PDE1A: variants seen among roughly 807,000 people sequenced by gnomAD.
The protein encoded by PDE1A is phosphodiesterase 1A.
PDE1A carries 35 observed loss-of-function variants against 61.7 expected under a neutral mutation model. That is an observed-to-expected ratio of 0.57 (90% CI 0.43 to 0.75). PDE1A has a LOEUF of 0.75. Ranked by LOEUF, PDE1A falls within the 30% of genes least tolerant of loss-of-function variation. The pLI is 0.00. For synonymous variants in PDE1A, 232 were observed against 213.2 expected, an observed-to-expected ratio of 1.09 and a Z score of -0.77; for missense variants, 597 against 630.6, an observed-to-expected ratio of 0.95 and a Z score of 0.57.
chr2:182,590,836 T>C, the PDE1A span, among the ~76,000 whole-genome samples: 38 of 152,316 alleles, frequency 2.5e-4, no homozygotes, highest in African/African-American at 8.2e-4. Flanking sequence ...TTGCACCCAC[T>C]AATTTGCACT....
intron 2 of PDE1A, among the ~76,000 whole-genome samples, chr2:182,456,467 A>G (rs1685929585): frequency 6.6e-6 from 1 of 152,116 alleles, no homozygotes; most frequent in African/African-American, 2.4e-5. Flanking sequence ...TTGAATCAAT[A>G]TAATACCTTA....
chr2:182,280,284 T>C (rs1693715188), intron 1 of PDE1A, among the ~76,000 whole-genome samples: 1 of 151,938 alleles, frequency 6.6e-6, no homozygotes, highest in Non-Finnish European at 1.5e-5. Context: ...AAACCTATCT[T>C]GGACCTGTAT....
chr2:182,604,591 A>G, the PDE1A span, among the ~76,000 whole-genome samples: 1 of 152,232 alleles, frequency 6.6e-6, no homozygotes, highest in Admixed American at 6.5e-5. Flanking sequence ...AAGAAGTTAC[A>G]GGTTTTCAGA....
intron 11 of PDE1A, among the ~76,000 whole-genome samples, chr2:182,187,718 T>G (rs1231181217): frequency 1.3e-5 from 2 of 151,348 alleles, no homozygotes; most frequent in African/African-American, 2.4e-5. Flanking sequence ...TATTTTAAGT[T>G]CTATGTTCTT....
At chr2:182,548,387 A>G in the PDE1A span, among the ~76,000 whole-genome samples, 1 of 152,202 alleles carries the variant, frequency 6.6e-6, no homozygotes, top group African/African-American at 2.4e-5. Flanking sequence ...CTGAAATGCC[A>G]AGTCGAAACG....
intron 1 of PDE1A, among the ~76,000 whole-genome samples, chr2:182,414,604 A>G (rs931639646): frequency 5.9e-5 from 9 of 152,136 alleles, no homozygotes; most frequent in Admixed American, 5.9e-4. Flanking sequence ...CTGTCAAGGG[A>G]GAAAGGATGA....
intron 2 of PDE1A, among the ~76,000 whole-genome samples, chr2:182,519,426 A>T (rs1488894163): frequency 2.0e-5 from 3 of 152,010 alleles, no homozygotes; most frequent in Non-Finnish European, 4.4e-5. Context: ...GAAAAAGATA[A>T]ATAAAAAGAT....
chr2:182,337,070 T>C (rs981216719), intron 1 of PDE1A, among the ~76,000 whole-genome samples: 2 of 152,014 alleles, frequency 1.3e-5, no homozygotes. Flanking sequence ...GAAGAGTACA[T>C]TGTAAGTGGT....
chr2:182,458,029 T>C (rs982549900), intron 2 of PDE1A, among the ~76,000 whole-genome samples: 1 of 152,026 alleles, frequency 6.6e-6, no homozygotes, highest in African/African-American at 2.4e-5. Context: ...CTATAAAGCA[T>C]CAATATTAGC....
chr2:182,495,214 G>A (rs1226059080), intron 2 of PDE1A, among the ~76,000 whole-genome samples: 1 of 152,148 alleles, frequency 6.6e-6, no homozygotes, highest in Non-Finnish European at 1.5e-5. Context: ...CAGTCTCTTG[G>A]CTTTAGCCTT....
intron 1 of PDE1A, among the ~76,000 whole-genome samples, chr2:182,389,907 G>A (rs551803395): frequency 4.6e-5 from 7 of 152,190 alleles, no homozygotes; most frequent in East Asian, 1.9e-4. Flanking sequence ...CTTGAATATC[G>A]GACTCCAAGT....
At chr2:182,233,310 G>GT (rs1215882675) in intron 4 of PDE1A, among the ~76,000 whole-genome samples, 1 of 152,104 alleles carries the variant, frequency 6.6e-6, no homozygotes, top group African/African-American at 2.4e-5. Flanking sequence ...GGGTTGGATG[G>GT]TTTTGGAATG....
intron 13 of PDE1A, among the ~76,000 whole-genome samples, chr2:182,152,907 T>C (rs1343874815): frequency 6.6e-6 from 1 of 152,170 alleles, no homozygotes; most frequent in East Asian, 1.9e-4. Context: ...CCTGTAAAAT[T>C]AGAGCAAGTA....
the PDE1A span, among the ~76,000 whole-genome samples, chr2:182,604,509 A>G: frequency 6.6e-6 from 1 of 152,366 alleles, no homozygotes; most frequent in Admixed American, 6.5e-5. Flanking sequence ...TAAAATGACA[A>G]AAGTAATCAT....
intron 4 of PDE1A, among the ~76,000 whole-genome samples, chr2:182,231,481 A>G (rs1689575316): frequency 6.6e-6 from 1 of 152,208 alleles, no homozygotes; most frequent in African/African-American, 2.4e-5. Flanking sequence ...TAGAATTGCT[A>G]GTTACATAGA....
intron 1 of PDE1A, among the ~76,000 whole-genome samples, chr2:182,268,977 C>T (rs1234348423): frequency 6.6e-6 from 1 of 151,696 alleles, no homozygotes; most frequent in Non-Finnish European, 1.5e-5. Context: ...AAAAATTCAC[C>T]CATGATGAGG....
At chr2:182,435,939 T>C (rs560484511) in intron 2 of PDE1A, among the ~76,000 whole-genome samples, 1 of 152,198 alleles carries the variant, frequency 6.6e-6, no homozygotes, top group Non-Finnish European at 1.5e-5. Flanking sequence ...AATTCCTAAA[T>C]GCTAAACTAT....
At chr2:182,323,197 T>C (rs1696811665) in intron 1 of PDE1A, among the ~76,000 whole-genome samples, 1 of 149,546 alleles carries the variant, frequency 6.7e-6, no homozygotes, top group African/African-American at 2.4e-5. Context: ...CAACTACATA[T>C]ATATAAAGGA....
intron 2 of PDE1A, among the ~76,000 whole-genome samples, chr2:182,516,702 G>GGAAGGAAGGAAGGAAGGAAGGAAGGA (rs1690179893): frequency 4.3e-5 from 5 of 116,762 alleles, no homozygotes; most frequent in African/African-American, 1.7e-4. Flanking sequence ...GGGAGGAAGG[G>GGAAGGAAGGAAGGAAGGAAGGAAGGA]AGGAAGGAAG....
Sources: gnomAD v4.1 joint callset for allele counts (sites outside exome capture counted in the v4.1 genomes callset) on GRCh38, gnomAD v4.1.1 for gene constraint, MANE v1.5 for transcripts, NCBI Gene and HGNC (gene_info 2026-07-23, HGNC 2026-07-21) for gene names.